Variants in CNTN4 observed in about 807,000 individuals in gnomAD.
CNTN4 encodes the protein contactin-4.
Under a neutral mutation model 122.5 loss-of-function variants are expected in CNTN4, and 77 were observed. The ratio of observed to expected loss-of-function variants is 0.63; its 90% CI spans 0.52 to 0.76. The LOEUF (loss-of-function observed/expected upper bound fraction) is 0.76. Ranked by LOEUF, CNTN4 falls within the 30% of genes least tolerant of loss-of-function variation. The probability of loss-of-function intolerance (pLI) is 0.00; values close to 1 mark genes in which losing one functional copy is unlikely to be tolerated. For missense variants in CNTN4, 1,256 were observed against 1,259.1 expected (o/e 1.00, Z 0.04); for synonymous variants, 512 against 447.0 (o/e 1.15, Z -1.83).
At chr3:2,632,405 A>AT (rs1209338543) in intron 4 of CNTN4, among the ~76,000 whole-genome samples, 4 of 152,202 alleles carry the variant, frequency 2.6e-5, no homozygotes, top group Non-Finnish European at 5.9e-5. Context: ...TGAGCATTAG[A>AT]TAAAGGACTT....
intron 6 of CNTN4, among the ~76,000 whole-genome samples, chr3:2,795,603 C>G (rs2092148657): frequency 6.6e-6 from 1 of 150,648 alleles, no homozygotes; most frequent in African/African-American, 2.4e-5. Context: ...TCAGTGCAAG[C>G]TCTGCCTCCC....
At chr3:2,278,368 A>G (rs1052929975) in intron 2 of CNTN4, among the ~76,000 whole-genome samples, 1 of 152,222 alleles carries the variant, frequency 6.6e-6, no homozygotes, top group Admixed American at 6.5e-5. Context: ...TCAGCACATT[A>G]GCTGGTTACT....
At chr3:2,689,426 C>T (rs1227294859) in intron 4 of CNTN4, among the ~76,000 whole-genome samples, 2 of 152,138 alleles carry the variant, frequency 1.3e-5, no homozygotes, top group East Asian at 3.9e-4. Flanking sequence ...CATTTTGGCT[C>T]CATGCAAATG....
At chr3:2,337,921 C>T (rs1224369557) in intron 2 of CNTN4, among the ~76,000 whole-genome samples, 2 of 152,024 alleles carry the variant, frequency 1.3e-5, no homozygotes, top group African/African-American at 2.4e-5. Flanking sequence ...ACATCAGTTG[C>T]TGTCCTTAAT....
At chr3:2,384,763 T>C (rs911286729) in intron 3 of CNTN4, among the ~76,000 whole-genome samples, 4 of 113,308 alleles carry the variant, frequency 3.5e-5, no homozygotes, top group Non-Finnish European at 8.0e-5. Flanking sequence ...AATGTGTGCG[T>C]GTGTGTGTGT....
At chr3:2,102,490 CTGCCTCAGA>C (rs1200743880) in intron 2 of CNTN4, among the ~76,000 whole-genome samples, 1 of 152,134 alleles carries the variant, frequency 6.6e-6, no homozygotes, top group African/African-American at 2.4e-5. Context: ...AAAAGGGATA[CTGCCTCAGA>C]TGTGAAATAT....
intron 2 of CNTN4, among the ~76,000 whole-genome samples, chr3:2,104,858 T>A (rs2032302687): frequency 6.6e-6 from 1 of 152,206 alleles, no homozygotes; most frequent in African/African-American, 2.4e-5. Context: ...AGAGCATGGA[T>A]TTTGGTTATT....
intron 3 of CNTN4, among the ~76,000 whole-genome samples, chr3:2,536,369 C>T (rs2077805737): frequency 6.6e-6 from 1 of 152,068 alleles, no homozygotes; most frequent in South Asian, 2.1e-4. Context: ...TTGTATCTCC[C>T]CAGTGACTGG....
At chr3:2,779,532 A>G (rs369845110) in intron 6 of CNTN4, among the ~76,000 whole-genome samples, 6 of 152,252 alleles carry the variant, frequency 3.9e-5, no homozygotes, top group South Asian at 2.1e-4. Context: ...TTTTTTAGTT[A>G]TTATGTTGGA....
chr3:2,161,194 A>G (rs1430480080), intron 2 of CNTN4, among the ~76,000 whole-genome samples: 1 of 152,064 alleles, frequency 6.6e-6, no homozygotes, highest in Non-Finnish European at 1.5e-5. Context: ...ATAGAAAGTC[A>G]TTGTGGCTGA....
chr3:2,657,067 C>T lies in CNTN4; in HGVS notation c.56-79148C>T, dbSNP rs901004649. On this transcript the variant is annotated intron_variant, in intron 4 of 24. Coordinates refer to ENST00000418658, the MANE Select transcript of CNTN4 (RefSeq NM_175607.3). ...AAAAATAAATTATGCAATGGGACAG[C>T]CAACTGTTACAGCTTGGAAAACTGT... Among the ~76,000 whole-genome samples, 3 of 152,170 alleles carry T rather than the reference C, an allele frequency of 2.0e-5. No individual in the cohort carries two copies. In the East Asian group the frequency reaches 5.8e-4, roughly 29 times the overall value.
intron 4 of CNTN4, among the ~76,000 whole-genome samples, chr3:2,652,819 A>G (rs1321457345): frequency 1.3e-5 from 2 of 152,158 alleles, no homozygotes; most frequent in African/African-American, 4.8e-5. Context: ...TCACTTATCA[A>G]TCACATTTAA....
At chr3:2,159,131 A>G (rs1270068364) in intron 2 of CNTN4, among the ~76,000 whole-genome samples, 3 of 152,284 alleles carry the variant, frequency 2.0e-5, no homozygotes, top group Middle Eastern at 3.4e-3. Flanking sequence ...TCTTAGCACC[A>G]TACAGGATCT....
intron 4 of CNTN4, among the ~76,000 whole-genome samples, chr3:2,626,740 A>G (rs753315426): frequency 2.0e-5 from 3 of 152,190 alleles, no homozygotes; most frequent in Non-Finnish European, 4.4e-5. Flanking sequence ...AGATAATAAA[A>G]GTTTACTCTT....
At chr3:2,774,985 G>A (rs915369035) in intron 6 of CNTN4, among the ~76,000 whole-genome samples, 35 of 152,288 alleles carry the variant, frequency 2.3e-4, no homozygotes, top group African/African-American at 7.5e-4. Context: ...TTTCAGCTTC[G>A]CAAAAGGCTA....
intron 3 of CNTN4, among the ~76,000 whole-genome samples, chr3:2,456,103 T>C (rs6776459): frequency 0.023 from 3,426 of 152,152 alleles, 128 homozygotes; most frequent in African/African-American, 0.078. Flanking sequence ...GGTCACCTGC[T>C]ATCTGCACAG....
intron 3 of CNTN4, among the ~76,000 whole-genome samples, chr3:2,412,170 G>C (rs1559529564): frequency 6.6e-6 from 1 of 151,582 alleles, no homozygotes; most frequent in East Asian, 1.9e-4. Context: ...TTTCATTGCT[G>C]TATATTATGT....
At chr3:2,675,776 T>A (rs1455872027) in intron 4 of CNTN4, among the ~76,000 whole-genome samples, 1 of 152,208 alleles carries the variant, frequency 6.6e-6, no homozygotes, top group Non-Finnish European at 1.5e-5. Context: ...GAACACACGC[T>A]GCTCTTCCTA....
At chr3:2,850,558 C>T (rs750960880) in intron 7 of CNTN4, among the ~76,000 whole-genome samples, 11 of 152,150 alleles carry the variant, frequency 7.2e-5, no homozygotes, top group Admixed American at 2.0e-4. Context: ...CCAGATCATG[C>T]GAAACCATGT....
Sources: gnomAD v4.1 joint callset for allele counts (sites outside exome capture counted in the v4.1 genomes callset) on GRCh38, gnomAD v4.1.1 for gene constraint, MANE v1.5 for transcripts, NCBI Gene and HGNC (gene_info 2026-07-23, HGNC 2026-07-21) for gene names.